ALPK3: variants seen among roughly 807,000 people sequenced by gnomAD.
ALPK3 encodes alpha kinase 3.
ALPK3 carries 102 observed loss-of-function variants against 140.0 expected under a neutral mutation model. That is an observed-to-expected ratio of 0.73 (90% confidence interval 0.62 to 0.86). The LOEUF (loss-of-function observed/expected upper bound fraction) is 0.86. Ranked by LOEUF, ALPK3 falls within the 40% of genes least tolerant of loss-of-function variation. ALPK3 has a pLI of 0.00. For missense variants in ALPK3, 2,254 were observed against 2,208.2 expected (o/e 1.02, Z -0.42); for synonymous variants, 938 against 898.5 (o/e 1.04, Z -0.79).
At chr15:84,823,789 TAGCCTTGAACTCCTGGCCTCA>T (rs1360099720) in intron 2 of ALPK3, among the ~76,000 whole-genome samples, 1 of 152,190 alleles carries the variant, frequency 6.6e-6, no homozygotes, top group East Asian at 1.9e-4. Flanking sequence ...TGGCTCCCTG[TAGCCTTGAACTCCTGGCCTCA>T]AGGGATCCTC....
At chr15:84,819,914 C>T (rs1196608402) in intron 1 of ALPK3, among the ~76,000 whole-genome samples, 1 of 152,208 alleles carries the variant, frequency 6.6e-6, no homozygotes, top group Non-Finnish European at 1.5e-5. Context: ...TCTCCCTATG[C>T]ACCTCTCTCT....
chr15:84,841,674 G>T (rs1963669082), intron 5 of ALPK3, among the ~76,000 whole-genome samples: 1 of 152,180 alleles, frequency 6.6e-6, no homozygotes. Flanking sequence ...ATTATGTTTT[G>T]TGTGGAGACA....
intron 13 of ALPK3, 113 bp downstream of exon 13, chr15:84,867,478 C>T: frequency 8.4e-7 from 1 of 1,184,732 alleles, no homozygotes; most frequent in South Asian, 1.2e-5. Context: ...CCAAGTGGTC[C>T]CAGACACACC....
At chr15:84,864,936 A>C (rs1963987167) in intron 12 of ALPK3, among the ~76,000 whole-genome samples, 2 of 152,306 alleles carry the variant, frequency 1.3e-5, no homozygotes, top group South Asian at 4.1e-4. Context: ...ATTTATTTCA[A>C]AGACCATTAC....
At chr15:84,836,952 G>A (rs998574261) in intron 3 of ALPK3, among the ~76,000 whole-genome samples, 10 of 152,154 alleles carry the variant, frequency 6.6e-5, no homozygotes, top group African/African-American at 1.7e-4. Context: ...CAGAAAGAGC[G>A]GTGTCCTAGA....
In ALPK3 at chr15:84,859,907, A is replaced by C. The variant is rs772549273; in HGVS notation, c.4093+4A>C. 2 of 1,613,858 alleles carry C rather than the reference A, an allele frequency of 1.2e-6. No individual in the cohort carries two copies. The highest frequency in any genetic ancestry group is 1.7e-6 in the Non-Finnish European group (2 of 1,179,984). ...GACTTCTGCCTCAGCCCTGAGGGTG[A>C]GTGTGCCCCGCGGCCCGGGGTCTCA... On this transcript the variant is annotated splice_donor_region_variant and intron_variant, in intron 8 of 13. Transcript: ENST00000258888.
rs1314564648 is a variant in ALPK3 at position 84,839,839 on chromosome 15, G to A, written c.560G>A (p.Arg187His). ...IHQRWFAKLK[R>H]KAAAKLREIE... Reference sequence around the variant, plus strand: ...CAGCGCTGGTTCGCCAAGTTGAAGCGCAAGGCTGCGGCAAAGCTGCGCGAG... The same window carrying A: ...CAGCGCTGGTTCGCCAAGTTGAAGCACAAGGCTGCGGCAAAGCTGCGCGAG... Residue 187 changes from arginine (R) to histidine (H), a missense_variant, in exon 5 of 14, where the codon CGC (arginine) becomes CAC (histidine). Arg to His is a conservative substitution (Grantham distance 29). This residue lies in a region of ALPK3 where 2,088 missense variants were observed against 2,022.9 expected (regional missense o/e 1.03). Transcript: ENST00000258888. 2 of 1,614,024 alleles carry A rather than the reference G, an allele frequency of 1.2e-6. No homozygotes were observed. Among genetic ancestry groups the A allele is most frequent in the African/African-American group, 2.7e-5 (2 of 74,950 alleles).
In ALPK3 at chr15:84,873,166, T is replaced by G. The variant is rs1964094819; in HGVS notation, c.*4710T>G. The G allele has an allele frequency of 6.6e-6, 1 of 152,184 alleles. No homozygotes were observed. The highest frequency in any genetic ancestry group is 1.5e-5 in the Non-Finnish European group (1 of 68,028). The allele number at this position is 152,184 out of a possible 1,614,324, so 9.4% of individuals were successfully genotyped here. On this transcript the variant is annotated 3_prime_UTR_variant, in exon 14 of 14. Transcript: ENST00000258888. ...CCTAGAGAGGAAAATCAGCAGAGCCTCGTGAATGTATTTCTCGTGGCAAGA... is the reference window on the plus strand; with the variant it reads ...CCTAGAGAGGAAAATCAGCAGAGCCGCGTGAATGTATTTCTCGTGGCAAGA...
intron 9 of ALPK3, among the ~76,000 whole-genome samples, chr15:84,862,055 C>G (rs1963950838): frequency 6.6e-6 from 1 of 152,136 alleles, no homozygotes; most frequent in African/African-American, 2.4e-5. Context: ...CACGATATTT[C>G]AGGTCCTTGC....
At chr15:84,834,229 C>T (rs1481270460) in intron 3 of ALPK3, among the ~76,000 whole-genome samples, 1 of 152,152 alleles carries the variant, frequency 6.6e-6, no homozygotes, top group Non-Finnish European at 1.5e-5. Flanking sequence ...CATTTGCCAG[C>T]TGTGTGACCC....
intron 10 of ALPK3, 125 bp downstream of exon 10, chr15:84,863,040 T>G (rs1026555008): frequency 7.6e-7 from 1 of 1,309,240 alleles, no homozygotes; most frequent in African/African-American, 1.5e-5. Flanking sequence ...CTTATGAGGC[T>G]CCTAGGAGGA....
chr15:84,865,206 G>T (rs1319358478), intron 12 of ALPK3, among the ~76,000 whole-genome samples: 1 of 152,166 alleles, frequency 6.6e-6, no homozygotes, highest in Non-Finnish European at 1.5e-5. Context: ...AAGGCCAGCA[G>T]GCATGAACCC....
rs770334508 is a variant in ALPK3, at chr15:84,863,579, G to T, written c.4438G>T (p.Glu1480Ter). ...GTGCAAGATCCAGAACATGAGTCGG[G>T]AGTACTGCAAAATCTTCGCAGCAGA... ...QGCKIQNMSR[E>*]YCKIFAAEAR... Residue 1480 changes from glutamate to a stop codon, truncating the protein, a stop_gained, in exon 11 of 14, where the codon GAG becomes TAG. Transcript: ENST00000258888. LOFTEE classifies it high-confidence loss of function. 1.2e-6 allele frequency: 2 copies of T among 1,614,070 alleles called. No individual in the cohort carries two copies. Among genetic ancestry groups the T allele is most frequent in the Non-Finnish European group, 1.7e-6 (2 of 1,179,986 alleles).
rs1487145677 is a variant in ALPK3 at position 84,869,139 on chromosome 15, C to G, written c.*683C>G. On this transcript the variant is annotated 3_prime_UTR_variant, in exon 14 of 14. Coordinates refer to ENST00000258888, the MANE Select transcript of ALPK3 (RefSeq NM_020778.5). The stretch of plus-strand genomic sequence containing the variant: ...CTGCTTCCCATGCTCCCTTGTACCC[C>G]CTCGCCACATCCCTGTCTTGGGGCC... 6.5e-6 allele frequency: 1 copy of G among 153,962 alleles called. No individual in the cohort carries two copies. The highest frequency in any genetic ancestry group is 2.4e-5 in the African/African-American group (1 of 41,488). 9.5% of individuals were successfully genotyped at this position (153,962 alleles called of 1,614,324 possible).
rs745830284 is a variant in ALPK3, at chr15:84,823,260, C to G, written c.144-70C>G. On this transcript the variant is annotated intron_variant, in intron 1 of 13. Coordinates refer to ENST00000258888, the MANE Select transcript of ALPK3 (RefSeq NM_020778.5). The stretch of plus-strand genomic sequence containing the variant: ...CAGATGGTGGCCGATTAATAGTTTG[C>G]GACTGTTGATTTCGCCTACTTCCTT... 6.4e-6 allele frequency: 10 copies of G among 1,559,034 alleles called. No homozygotes were observed. In the South Asian group the frequency reaches 1.1e-4, roughly 17 times the overall value.
Position 84,858,091 on chromosome 15 carries a change from C to G in ALPK3, c.3353C>G (p.Ala1118Gly), listed in dbSNP as rs200275512. 6.4e-7 allele frequency: 1 copy of G among 1,567,260 alleles called. No homozygotes were observed. Among genetic ancestry groups the G allele is most frequent in the Non-Finnish European group, 8.6e-7 (1 of 1,160,162 alleles). The change falls in exon 6 of 14, where the codon GCG becomes GGG. Residue 1118 changes from alanine (A) to glycine (G), a missense_variant. This residue lies in a region of ALPK3 where 2,088 missense variants were observed against 2,022.9 expected (regional missense o/e 1.03). Transcript: ENST00000258888. Reference sequence around the variant, plus strand: ...AGCATGGCTGGTCGACTGGGGGAGGCGGGTGGGCAGGCAGCCCCTGGACAG... The same window carrying G: ...AGCATGGCTGGTCGACTGGGGGAGGGGGGTGGGCAGGCAGCCCCTGGACAG... ...ESSMAGRLGE[A>G]GGQAAPGQGP...
chr15:84,822,099 A>T (rs1963432459), intron 1 of ALPK3, among the ~76,000 whole-genome samples: 1 of 151,936 alleles, frequency 6.6e-6, no homozygotes, highest in South Asian at 2.1e-4. Flanking sequence ...TTGTTAGAGA[A>T]GTGGGTTATA....
chr15:84,840,845 G>A lies in ALPK3; in HGVS notation c.1566G>A (p.Val522=). 6.2e-7 allele frequency: 1 copy of A among 1,614,212 alleles called. No individual in the cohort carries two copies. Among genetic ancestry groups the A allele is most frequent in the South Asian group, 1.1e-5 (1 of 91,092 alleles). Residue 522 remains valine (V), a synonymous_variant, in exon 5 of 14, where the codon GTG becomes GTA. Transcript: ENST00000258888. The part of the protein sequence containing the change: ...SLGKAPPQAS[V]QVPTPPARRR... Reference sequence around the variant, plus strand: ...GAAAGGCCCCACCTCAGGCCTCTGTGCAGGTGCCGACGCCCCCTGCCCGGC... The same window carrying A: ...GAAAGGCCCCACCTCAGGCCTCTGTACAGGTGCCGACGCCCCCTGCCCGGC...
In ALPK3 at chr15:84,862,695, G is replaced by T; in HGVS notation, c.4190G>T (p.Cys1397Phe). ...GCTAAGGGTCTGGCTGACTCTGGCT[G>T]CTGGGGGGACAAGCTCTTTGGGCGA... ...VFAKGLADSG[C>F]WGDKLFGRLV... The change falls in exon 10 of 14, where the codon TGC becomes TTC. Residue 1397 changes from cysteine (C) to phenylalanine (F), a missense_variant. Cys to Phe is a radical substitution (Grantham distance 205). Coordinates refer to ENST00000258888, the MANE Select transcript of ALPK3 (RefSeq NM_020778.5). The T allele has an allele frequency of 4.3e-6, 7 of 1,614,200 alleles. No individual in the cohort carries two copies. The highest frequency in any genetic ancestry group is 5.9e-6 in the Non-Finnish European group (7 of 1,180,022).
Sources: allele counts gnomAD v4.1 joint callset (sites outside exome capture counted in the v4.1 genomes callset), GRCh38; gene constraint gnomAD v4.1.1; regional missense constraint gnomAD v4.1.1; transcripts MANE v1.5; gene names NCBI Gene and HGNC (gene_info 2026-07-23, HGNC 2026-07-21).